YPEL3: variants seen among roughly 807,000 people sequenced by gnomAD.
The protein encoded by YPEL3 is yippee like 3, also known as protein yippee-like 3.
YPEL3 carries 5 observed loss-of-function variants against 17.5 expected under a neutral mutation model. The ratio of observed to expected loss-of-function variants is 0.29; its 90% CI spans 0.15 to 0.60. The LOEUF (loss-of-function observed/expected upper bound fraction) is 0.60, where lower values mean the gene tolerates loss of function less well. Among genes scored for constraint, YPEL3 ranks in the 20% least tolerant of loss-of-function variants. The probability of loss-of-function intolerance (pLI) is 0.87; values close to 1 mark genes in which losing one functional copy is unlikely to be tolerated. For synonymous variants in YPEL3, 87 were observed against 87.2 expected (o/e 1.00, Z 0.01); for missense variants, 155 against 211.4 (o/e 0.73, Z 1.65).
intron 3 of YPEL3, chr16:30,094,175 C>G (rs1172397487): frequency 6.3e-6 from 1 of 159,660 alleles, no homozygotes; most frequent in Non-Finnish European, 1.4e-5. Flanking sequence ...AAATGAGACT[C>G]AGGGTAGTGA....
intron 3 of YPEL3, 29 bp from the exon 4 acceptor site, chr16:30,092,828 C>A (rs767884724): frequency 6.2e-6 from 10 of 1,601,878 alleles, no homozygotes; most frequent in African/African-American, 1.3e-5. Flanking sequence ...CCGTCATCCC[C>A]GGAGCAACAG....
intron 2 of YPEL3, 46 bp from the exon 3 acceptor site, chr16:30,094,943 G>A (rs772255021): frequency 3.1e-6 from 5 of 1,600,988 alleles, no homozygotes; most frequent in Non-Finnish European, 4.3e-6. Flanking sequence ...GCCATCACAG[G>A]GCCCACCCCC....
chr16:30,094,919 C>G, intron 2 of YPEL3, 22 bp from the exon 3 acceptor site: 1 of 1,607,620 alleles, frequency 6.2e-7, no homozygotes, highest in Non-Finnish European at 8.5e-7. Context: ...TGGGGTAGTC[C>G]CAGGGAGGGT....
Position 30,092,642 on chromosome 16 carries a change from G to A in YPEL3, c.*68C>T. ...GAGGGTCCAGAGCTCCCTTCGGGTG[G>A]CGGGAAGCCAGTGGCGCTCCCTGGC... is the stretch of plus-strand genomic sequence containing the variant. On this transcript the variant is annotated 3_prime_UTR_variant, in exon 4 of 4. Coordinates refer to ENST00000398841, the MANE Select transcript of YPEL3 (RefSeq NM_031477.5). 1 of 1,480,550 alleles carries A rather than the reference G, an allele frequency of 6.8e-7. No homozygotes were observed. The allele number at this position is 1,480,550 out of a possible 1,614,324, so 91.7% of individuals were successfully genotyped here. A position where few individuals can be genotyped will look rare whatever the true frequency, so the allele number is the denominator to read the frequency against.
intron 3 of YPEL3, among the ~76,000 whole-genome samples, chr16:30,093,163 CCA>C (rs1423574844): frequency 1.3e-5 from 2 of 152,216 alleles, no homozygotes; most frequent in Non-Finnish European, 2.9e-5. Flanking sequence ...CTTGCTCACT[CCA>C]GTTTGCCCAG....
chr16:30,094,095 G>C (rs941066693), intron 3 of YPEL3: 1 of 154,886 alleles, frequency 6.5e-6, no homozygotes, highest in African/African-American at 2.4e-5. Context: ...ATCTTCCTGA[G>C]CATCTAATCT....
chr16:30,092,606 G>A lies in YPEL3; in HGVS notation c.*104C>T. The A allele has an allele frequency of 9.7e-7, 1 of 1,032,844 alleles. No homozygotes were observed. Among genetic ancestry groups the A allele is most frequent in the Non-Finnish European group, 1.5e-6 (1 of 667,924 alleles). The allele number at this position is 1,032,844 out of a possible 1,614,324, so 64.0% of individuals were successfully genotyped here. On this transcript the variant is annotated 3_prime_UTR_variant, in exon 4 of 4. Coordinates refer to ENST00000398841, the MANE Select transcript of YPEL3 (RefSeq NM_031477.5). ...TATACAGGAGCTAGATCCGTCCTCT[G>A]CAGGGGCTCTGAGGGTCCAGAGCTC... is the stretch of plus-strand genomic sequence containing the variant.
chr16:30,094,528 C>T, intron 3 of YPEL3: 1 of 510,938 alleles, frequency 2.0e-6, no homozygotes. Flanking sequence ...GTGCAAGGCA[C>T]ATAAACATTC....
In YPEL3 at chr16:30,095,432, T is replaced by G; in HGVS notation, c.51A>C (p.Ala17=). ...CCCACGGGGAGCAGAGGGAGCCCAG[T>G]GCCTGCCGGGGAGGGAGTAGGTGGG... ...LTAHLLPPRQ[A]LGSLCSPWAA... Residue 17 remains alanine (A), a synonymous_variant, in exon 1 of 4, where the codon GCA becomes GCC. Coordinates refer to ENST00000398841, the MANE Select transcript of YPEL3 (RefSeq NM_031477.5). The surrounding 1 kb of genome is among the most constrained non-coding windows in gnomAD (Gnocchi z 5.4). 1 of 1,599,912 alleles carries G rather than the reference T, an allele frequency of 6.3e-7. No homozygotes were observed. The highest frequency in any genetic ancestry group is 8.5e-7 in the Non-Finnish European group (1 of 1,173,082).
intron 3 of YPEL3, among the ~76,000 whole-genome samples, chr16:30,093,491 C>G (rs868519709): frequency 1.1e-4 from 16 of 152,108 alleles, no homozygotes; most frequent in African/African-American, 3.9e-4. Context: ...GAACTCCTGA[C>G]CTCAGGTGAT....
chr16:30,095,632 G>A lies in YPEL3; in HGVS notation c.-150C>T. 2 of 662,222 alleles carry A rather than the reference G, an allele frequency of 3.0e-6. No individual in the cohort carries two copies. The highest frequency in any genetic ancestry group is 5.6e-5 in the East Asian group (2 of 35,620). The allele number at this position is 662,222 out of a possible 1,614,324, so 41.0% of individuals were successfully genotyped here. On this transcript the variant is annotated 5_prime_UTR_variant, in exon 1 of 4. Transcript: ENST00000398841. The surrounding 1 kb of genome is among the most constrained non-coding windows in gnomAD (Gnocchi z 5.4). The stretch of plus-strand genomic sequence containing the variant: ...AGGTTGCATCCATGGGGAAACTGAG[G>A]CTCGGAGGTGCCCAGGGTGAGTCAC...
intron 3 of YPEL3, among the ~76,000 whole-genome samples, chr16:30,093,291 T>C (rs1478145154): frequency 1.3e-5 from 2 of 152,184 alleles, no homozygotes; most frequent in Non-Finnish European, 2.9e-5. Flanking sequence ...AGAGGGAGTC[T>C]TGCTCTGTCG....
In YPEL3 at chr16:30,092,589, A is replaced by C. The variant is rs1011729028; in HGVS notation, c.*121T>G. ...GCATGCAATAAAATATATATACAGG[A>C]GCTAGATCCGTCCTCTGCAGGGGCT... On this transcript the variant is annotated 3_prime_UTR_variant, in exon 4 of 4. Coordinates refer to ENST00000398841, the MANE Select transcript of YPEL3 (RefSeq NM_031477.5). The C allele has an allele frequency of 1.2e-6, 1 of 837,542 alleles. No individual in the cohort carries two copies. Among genetic ancestry groups the C allele is most frequent in the African/African-American group, 1.7e-5 (1 of 59,382 alleles). The allele number at this position is 837,542 out of a possible 1,614,324, so 51.9% of individuals were successfully genotyped here.
In YPEL3 at chr16:30,095,414, G is replaced by A. The variant is rs1216622494; in HGVS notation, c.69C>T (p.Ser23=). 1.2e-6 allele frequency: 2 copies of A among 1,607,958 alleles called. No individual in the cohort carries two copies. The highest frequency in any genetic ancestry group is 2.7e-5 in the African/African-American group (2 of 74,836). ...PPRQALGSLC[S]PWAAPRVGPL... is the part of the protein sequence containing the mutation. ...GCCCCACGCGGGGAGCGGCCCACGG[G>A]GAGCAGAGGGAGCCCAGTGCCTGCC... is the stretch of plus-strand genomic sequence containing the variant. The change falls in exon 1 of 4, where the codon TCC becomes TCT. Residue 23 remains serine, a synonymous_variant. Transcript: ENST00000398841. This position sits in a 1 kb window ranked among gnomAD's most constrained non-coding sequence, Gnocchi z 5.4.
chr16:30,093,131 A>C (rs943260140), intron 3 of YPEL3, among the ~76,000 whole-genome samples: 8 of 152,226 alleles, frequency 5.3e-5, no homozygotes, highest in Non-Finnish European at 5.9e-5. Context: ...AATAACTTTA[A>C]AGTATTAAAA....
At position 30,095,392 on chromosome 16, in the gene YPEL3, C is replaced by T; in HGVS notation, c.91G>A (p.Gly31Arg). ...LCSPWAAPRV[G>R]PLPPAPAMVR... ...ATGGCGGGGGCCGGGGGCAGTGGCC[C>T]CACGCGGGGAGCGGCCCACGGGGAG... Residue 31 changes from glycine (G) to arginine (R), a missense_variant, in exon 1 of 4, where the codon GGG becomes AGG. By Grantham distance (125) the Gly-to-Arg change is moderately radical (BLOSUM62 -2). This residue lies in a region of YPEL3 where 58 missense variants were observed against 60.0 expected (regional missense o/e 0.97). Coordinates refer to ENST00000398841, the MANE Select transcript of YPEL3 (RefSeq NM_031477.5). The surrounding 1 kb of genome is among the most constrained non-coding windows in gnomAD (Gnocchi z 5.4). 4.3e-6 allele frequency: 7 copies of T among 1,612,754 alleles called. No homozygotes were observed. The highest frequency in any genetic ancestry group is 5.9e-6 in the Non-Finnish European group (7 of 1,179,366).
At chr16:30,094,919 C>T (rs1369765986) in intron 2 of YPEL3, 22 bp from the exon 3 acceptor site, 7 of 1,607,502 alleles carry the variant, frequency 4.4e-6, no homozygotes, top group Middle Eastern at 3.6e-4. Context: ...TGGGGTAGTC[C>T]CAGGGAGGGT....
At position 30,092,327 on chromosome 16, in the gene YPEL3, T is replaced by C. The variant is rs1418285168; in HGVS notation, c.*383A>G. 3 of 192,542 alleles carry C rather than the reference T, an allele frequency of 1.6e-5. No homozygotes were observed. Among genetic ancestry groups the C allele is most frequent in the African/African-American group, 7.0e-5 (3 of 43,048 alleles). 11.9% of individuals were successfully genotyped at this position (192,542 alleles called of 1,614,324 possible). A position where few individuals can be genotyped will look rare whatever the true frequency, so the allele number is the denominator to read the frequency against. ...GCGAGCCTGAGCTGTCTCCACTCCA[T>C]TGTTTTATTATGTACAAACGCTACA... On this transcript the variant is annotated 3_prime_UTR_variant, in exon 4 of 4. Transcript: ENST00000398841.
Position 30,094,987 on chromosome 16 carries a change from A to G in YPEL3, c.276-90T>C, listed in dbSNP as rs371034889. On this transcript the variant is annotated intron_variant, in intron 2 of 3. Coordinates refer to ENST00000398841, the MANE Select transcript of YPEL3 (RefSeq NM_031477.5). Reference sequence around the variant, plus strand: ...TGTGTCTGTCCTCAGCATCCAAGAAATGATGCTCACAATTTCCTGCCTGCA... The same window carrying G: ...TGTGTCTGTCCTCAGCATCCAAGAAGTGATGCTCACAATTTCCTGCCTGCA... The G allele has an allele frequency of 8.0e-5, 128 of 1,592,490 alleles. 2 individuals are homozygous for G. In the African/African-American group the frequency reaches 1.3e-3, roughly 17 times the overall value.
Sources: allele counts gnomAD v4.1 joint callset (sites outside exome capture counted in the v4.1 genomes callset), GRCh38; gene constraint gnomAD v4.1.1; regional missense constraint gnomAD v4.1.1; non-coding constraint Gnocchi (gnomAD v3.1); transcripts MANE v1.5; gene names NCBI Gene and HGNC (gene_info 2026-07-23, HGNC 2026-07-21).